Variants in FOXN3 observed in about 807,000 individuals in gnomAD.
The protein encoded by FOXN3 is forkhead box protein N3.
In FOXN3, 7 loss-of-function variants were observed where a neutral mutation model predicts 38.4. The ratio of observed to expected loss-of-function variants is 0.18; its 90% CI spans 0.10 to 0.34. The LOEUF is 0.34. Among genes scored for constraint, FOXN3 ranks in the 10% least tolerant of loss-of-function variants. FOXN3 has a pLI of 1.00. For synonymous variants in FOXN3, 230 were observed against 242.2 expected, an observed-to-expected ratio of 0.95 and a Z score of 0.47; for missense variants, 456 against 613.4, an observed-to-expected ratio of 0.74 and a Z score of 2.71.
At chr14:89,261,026 G>A (rs931523735) in intron 4 of FOXN3, among the ~76,000 whole-genome samples, 3 of 152,164 alleles carry the variant, frequency 2.0e-5, no homozygotes, top group Admixed American at 6.5e-5. Context: ...GCATGTGTGC[G>A]GACTATCTTG....
intron 2 of FOXN3, among the ~76,000 whole-genome samples, chr14:89,377,052 A>AAAAAAAAAAAAAC (rs1890502324): frequency 7.3e-6 from 1 of 136,576 alleles, no homozygotes. Flanking sequence ...AAAAAAAAAA[A>AAAAAAAAAAAAAC]AAGCTTGAGC....
chr14:89,271,989 C>A lies in FOXN3; in HGVS notation c.745+8961G>T, dbSNP rs115188801. Among the ~76,000 whole-genome samples, 1,102 of 152,270 alleles carry A rather than the reference C, an allele frequency of 7.2e-3. 15 individuals carry two copies. Among genetic ancestry groups the A allele is most frequent in the African/African-American group, 0.026 (1,063 of 41,544 alleles). ...CTCCCATCTACAAAATGGTAGTAAC[C>A]ATATCAAATGCATAAGGCTAGTACA... is the stretch of plus-strand genomic sequence containing the variant. On this transcript the variant is annotated intron_variant, in intron 4 of 5. Coordinates refer to ENST00000557258, the MANE Select transcript of FOXN3 (RefSeq NM_005197.4).
intron 2 of FOXN3, among the ~76,000 whole-genome samples, chr14:89,394,580 AG>A (rs1042843023): frequency 2.6e-5 from 4 of 152,200 alleles, no homozygotes; most frequent in African/African-American, 9.7e-5. Context: ...TTTTTGATAA[AG>A]AAAATGACAT....
chr14:89,166,311 G>A (rs1040508478), intron 5 of FOXN3, among the ~76,000 whole-genome samples: 4 of 152,174 alleles, frequency 2.6e-5, no homozygotes, highest in African/African-American at 9.7e-5. Context: ...TCTTCTTAAA[G>A]AGATCCCATG....
At chr14:89,226,020 T>A (rs1435228507) in intron 4 of FOXN3, among the ~76,000 whole-genome samples, 2 of 147,256 alleles carry the variant, frequency 1.4e-5, no homozygotes, top group Non-Finnish European at 3.0e-5. Flanking sequence ...CAATTTTAAA[T>A]GAAGAATAAG....
intron 3 of FOXN3, among the ~76,000 whole-genome samples, chr14:89,321,975 T>A (rs1174694350): frequency 6.6e-6 from 1 of 152,192 alleles, no homozygotes; most frequent in South Asian, 2.1e-4. Context: ...AAGAATCTTT[T>A]AGGTCCTATA....
At chr14:89,603,734 A>G (rs981241796) in intron 1 of FOXN3, among the ~76,000 whole-genome samples, 1 of 152,232 alleles carries the variant, frequency 6.6e-6, no homozygotes, top group East Asian at 1.9e-4. Context: ...ACAAAAAAAT[A>G]AGGCACATTC....
intron 1 of FOXN3, among the ~76,000 whole-genome samples, chr14:89,588,371 C>T (rs1895886955): frequency 6.6e-6 from 1 of 151,788 alleles, no homozygotes; most frequent in Non-Finnish European, 1.5e-5. Context: ...GCAAGAATCA[C>T]CTAATATAGG....
At chr14:89,476,382 C>A (rs375714824) in intron 1 of FOXN3, among the ~76,000 whole-genome samples, 1 of 152,320 alleles carries the variant, frequency 6.6e-6, no homozygotes, top group South Asian at 2.1e-4. Context: ...GCAGATGCCC[C>A]TGCTCGGACC....
chr14:89,426,151 C>T (rs150703155), intron 1 of FOXN3, among the ~76,000 whole-genome samples: 4 of 150,212 alleles, frequency 2.7e-5, no homozygotes, highest in Admixed American at 2.0e-4. Flanking sequence ...CAGCTGGGAA[C>T]GTGCACACTG....
intron 4 of FOXN3, among the ~76,000 whole-genome samples, chr14:89,246,384 G>A (rs1488279475): frequency 6.6e-6 from 1 of 151,974 alleles, no homozygotes; most frequent in Non-Finnish European, 1.5e-5. Context: ...TGCAGCCTAG[G>A]GTAGAGACCC....
intron 1 of FOXN3, among the ~76,000 whole-genome samples, chr14:89,431,132 G>A (rs1477893440): frequency 6.6e-6 from 1 of 152,198 alleles, no homozygotes; most frequent in Admixed American, 6.5e-5. Context: ...AATATTTATA[G>A]GAAAGTGCTT....
At chr14:89,605,652 G>T (rs1047230205) in intron 1 of FOXN3, among the ~76,000 whole-genome samples, 3 of 151,938 alleles carry the variant, frequency 2.0e-5, no homozygotes, top group African/African-American at 7.3e-5. Context: ...TAAAAATGCA[G>T]CTTAAATATT....
At chr14:89,468,288 T>C (rs1566666540) in intron 1 of FOXN3, among the ~76,000 whole-genome samples, 1 of 152,116 alleles carries the variant, frequency 6.6e-6, no homozygotes, top group East Asian at 1.9e-4. Context: ...ACCCCGTCTC[T>C]ACTGAAAATA....
chr14:89,389,080 T>C (rs896154601), intron 2 of FOXN3, among the ~76,000 whole-genome samples: 9 of 152,018 alleles, frequency 5.9e-5, no homozygotes, highest in African/African-American at 1.9e-4. Flanking sequence ...GAAAAGGAAA[T>C]GCTGATCCAG....
At chr14:89,203,178 C>T (rs1888278869) in intron 4 of FOXN3, among the ~76,000 whole-genome samples, 1 of 152,018 alleles carries the variant, frequency 6.6e-6, no homozygotes, top group Non-Finnish European at 1.5e-5. Context: ...TTACAGATCC[C>T]CAGCAATAGG....
intron 1 of FOXN3, among the ~76,000 whole-genome samples, chr14:89,563,118 C>T (rs1895283187): frequency 6.6e-6 from 1 of 152,196 alleles, no homozygotes; most frequent in Non-Finnish European, 1.5e-5. Context: ...AAGGGGCTTA[C>T]AGTCCTATCT....
At chr14:89,284,793 G>A (rs1423976081) in intron 3 of FOXN3, among the ~76,000 whole-genome samples, 1 of 152,134 alleles carries the variant, frequency 6.6e-6, no homozygotes, top group Admixed American at 6.5e-5. Context: ...GGTGGAGTGC[G>A]ACCTGGCATT....
chr14:89,415,908 G>C (rs1417124337), intron 1 of FOXN3, among the ~76,000 whole-genome samples: 1 of 134,294 alleles, frequency 7.4e-6, no homozygotes, highest in Non-Finnish European at 1.6e-5. Context: ...TTTATGACTT[G>C]CTGTGTTTTG....
Sources: allele counts gnomAD v4.1 joint callset (sites outside exome capture counted in the v4.1 genomes callset), GRCh38; gene constraint gnomAD v4.1.1; transcripts MANE v1.5; gene names NCBI Gene and HGNC (gene_info 2026-07-23, HGNC 2026-07-21).